The following UBR3 variants were observed in gnomAD, a reference collection of about 807,000 sequenced individuals.
The protein encoded by UBR3 is ubiquitin protein ligase E3 component n-recognin 3, also known as E3 ubiquitin-protein ligase UBR3.
UBR3 carries 85 observed loss-of-function variants against 243.2 expected under a neutral mutation model. The ratio of observed to expected loss-of-function variants is 0.35; its 90% CI spans 0.29 to 0.42. The LOEUF (loss-of-function observed/expected upper bound fraction) is 0.42, where lower values mean the gene tolerates loss of function less well. UBR3 is among the 10% of genes least tolerant of loss of function. The probability of loss-of-function intolerance (pLI) is 1.00; values close to 1 mark genes in which losing one functional copy is unlikely to be tolerated. For synonymous variants in UBR3, 748 were observed against 799.8 expected, an observed-to-expected ratio of 0.94 and a Z score of 1.09; for missense variants, 1,686 against 2,300.8, an observed-to-expected ratio of 0.73 and a Z score of 5.47.
intron 11 of UBR3, among the ~76,000 whole-genome samples, chr2:169,921,544 A>C (rs972951269): frequency 6.6e-6 from 1 of 152,230 alleles, no homozygotes; most frequent in Non-Finnish European, 1.5e-5. Context: ...TCCATGGCTT[A>C]CTAGTTAATA....
chr2:169,878,370 A>AG (rs1411353544), intron 4 of UBR3, among the ~76,000 whole-genome samples, 155 bp from the exon 5 acceptor site: 5 of 151,668 alleles, frequency 3.3e-5, no homozygotes, highest in Non-Finnish European at 5.9e-5. Flanking sequence ...TCAAAAAAAA[A>AG]AAAAAAAGTT....
chr2:169,956,810 C>T (rs1424189478), intron 23 of UBR3, among the ~76,000 whole-genome samples: 2 of 152,118 alleles, frequency 1.3e-5, no homozygotes, highest in African/African-American at 4.8e-5. Flanking sequence ...TATGTTATAT[C>T]CTTGAATCAT....
intron 13 of UBR3, among the ~76,000 whole-genome samples, chr2:169,925,403 C>T (rs1461030147): frequency 1.3e-5 from 2 of 151,996 alleles, no homozygotes; most frequent in East Asian, 1.9e-4. Flanking sequence ...AAAACCAACT[C>T]ATTTGTTTAA....
chr2:169,829,547 C>G (rs1420624430), intron 1 of UBR3, among the ~76,000 whole-genome samples: 1 of 151,738 alleles, frequency 6.6e-6, no homozygotes, highest in East Asian at 1.9e-4. Flanking sequence ...CCTCAGCCTC[C>G]CAAGTAGCTG....
intron 18 of UBR3, among the ~76,000 whole-genome samples, chr2:169,930,226 G>C (rs1231362873): frequency 6.6e-6 from 1 of 152,094 alleles, no homozygotes; most frequent in African/African-American, 2.4e-5. Context: ...TGAAATCTGG[G>C]AATCTGCTTT....
intron 25 of UBR3, among the ~76,000 whole-genome samples, chr2:169,990,222 CA>C (rs1299071547): frequency 6.6e-6 from 1 of 152,108 alleles, no homozygotes; most frequent in Non-Finnish European, 1.5e-5. Context: ...AGGAACCCTT[CA>C]AAACACTGCT....
At chr2:170,051,423 C>G (rs1307011336) in intron 32 of UBR3, among the ~76,000 whole-genome samples, 1 of 152,170 alleles carries the variant, frequency 6.6e-6, no homozygotes, top group South Asian at 2.1e-4. Flanking sequence ...CAGCTCACTG[C>G]AAACGCCATC....
chr2:169,840,397 T>C (rs1574016491), intron 1 of UBR3, among the ~76,000 whole-genome samples: 1 of 152,188 alleles, frequency 6.6e-6, no homozygotes, highest in African/African-American at 2.4e-5. Flanking sequence ...GAGATGTCGG[T>C]GCTCCTGCTC....
At chr2:169,844,278 C>T (rs1272593978) in intron 1 of UBR3, among the ~76,000 whole-genome samples, 1 of 152,014 alleles carries the variant, frequency 6.6e-6, no homozygotes, top group Admixed American at 6.5e-5. Context: ...GGATTACAGG[C>T]GTGAGCCACT....
chr2:169,834,626 T>C (rs891726335), intron 1 of UBR3, among the ~76,000 whole-genome samples: 2 of 152,246 alleles, frequency 1.3e-5, no homozygotes, highest in South Asian at 2.1e-4. Flanking sequence ...CCATTTCATC[T>C]GTTATCTCCC....
rs71430693 is a variant in UBR3 at position 170,035,763 on chromosome 2, T to C, written c.4557-5119T>C. On this transcript the variant is annotated intron_variant, in intron 31 of 38. Transcript: ENST00000272793. ...GGTCAAGTAGCAAAGAACTGACATC[T>C]TGACAATATTGAGTCTTCCTACTCA... 7.3e-3 allele frequency among the ~76,000 whole-genome samples: 1,113 copies of C among 152,124 alleles called. 8 individuals are homozygous for C. Among genetic ancestry groups the C allele is most frequent in the Non-Finnish European group, 0.013 (871 of 67,908 alleles).
rs139828838 is a variant in UBR3, at chr2:169,851,836, C to CAAA, written c.546-20384_546-20382dup. Among the ~76,000 whole-genome samples the CAAA allele has an allele frequency of 4.3e-3, 385 of 90,470 alleles. 4 individuals carry two copies. The highest frequency in any genetic ancestry group is 0.013 in the African/African-American group (337 of 26,598). 59.4% of individuals were successfully genotyped at this position (90,470 alleles called of 152,430 possible). On this transcript the variant is annotated intron_variant, in intron 1 of 38. Transcript: ENST00000272793. ...CTGGTGACAGAGCAAGGCTCCGTCT[C>CAAA]AAAAAAAAAAAAAAAAAACAACAGT...
intron 32 of UBR3, among the ~76,000 whole-genome samples, chr2:170,050,024 A>C (rs1377013275): frequency 6.6e-6 from 1 of 152,190 alleles, no homozygotes; most frequent in Non-Finnish European, 1.5e-5. Flanking sequence ...GAATGTTGGC[A>C]GTTTATTGGA....
At chr2:169,983,228 G>A (rs2088830733) in intron 24 of UBR3, among the ~76,000 whole-genome samples, 2 of 132,896 alleles carry the variant, frequency 1.5e-5, no homozygotes, top group Admixed American at 1.5e-4. Flanking sequence ...AAGGCATATT[G>A]TTGTTTTTGC....
At chr2:169,971,269 G>A (rs1002161005) in intron 24 of UBR3, among the ~76,000 whole-genome samples, 4 of 151,240 alleles carry the variant, frequency 2.6e-5, no homozygotes, top group Non-Finnish European at 4.4e-5. Context: ...CTCCCATTCT[G>A]TAGGTTGCCT....
At chr2:170,041,253 T>C (rs1186865403) in intron 32 of UBR3, among the ~76,000 whole-genome samples, 1 of 152,210 alleles carries the variant, frequency 6.6e-6, no homozygotes, top group Non-Finnish European at 1.5e-5. Context: ...GACATTGTTT[T>C]TTCTATTATT....
chr2:170,066,966 AAATAAT>A (rs6147024), intron 35 of UBR3, among the ~76,000 whole-genome samples: 3 of 102,546 alleles, frequency 2.9e-5, no homozygotes, highest in Admixed American at 1.1e-4. Context: ...TCCGTCTCTA[AAATAAT>A]AATAATAATA....
chr2:170,075,339 G>C (rs1335056263), intron 36 of UBR3, among the ~76,000 whole-genome samples: 1 of 152,024 alleles, frequency 6.6e-6, no homozygotes, highest in Non-Finnish European at 1.5e-5. Context: ...AACCTATGCA[G>C]GATGACATGG....
At position 170,008,143 on chromosome 2, in the gene UBR3, T is replaced by A. The variant is rs533986739; in HGVS notation, c.4231-661T>A. On this transcript the variant is annotated intron_variant, in intron 28 of 38. Transcript: ENST00000272793. Reference sequence around the variant, plus strand: ...ATCTTTTATCCCATCCAGTAGGATTTGTTTGGTCTAAATTCTTAAAATATT... The same window carrying A: ...ATCTTTTATCCCATCCAGTAGGATTAGTTTGGTCTAAATTCTTAAAATATT... 4.6e-5 allele frequency among the ~76,000 whole-genome samples: 7 copies of A among 152,310 alleles called. No individual in the cohort carries two copies. The South Asian group carries it at 6.2e-4, about 14-fold the overall frequency.
Sources: gnomAD v4.1 joint callset for allele counts (sites outside exome capture counted in the v4.1 genomes callset) on GRCh38, gnomAD v4.1.1 for gene constraint, MANE v1.5 for transcripts, NCBI Gene and HGNC (gene_info 2026-07-23, HGNC 2026-07-21) for gene names.